SMAD4: variants seen among roughly 807,000 people sequenced by gnomAD.
SMAD4 encodes the protein SMAD family member 4.
In SMAD4, 7 loss-of-function variants were observed where a neutral mutation model predicts 63.2. The observed-to-expected ratio is 0.11, with a 90% confidence interval of 0.06 to 0.21. The LOEUF (loss-of-function observed/expected upper bound fraction) is 0.21, where lower values mean the gene tolerates loss of function less well. Among genes scored for constraint, SMAD4 ranks in the 10% least tolerant of loss-of-function variants. SMAD4 has a pLI of 1.00. For synonymous variants in SMAD4, 215 were observed against 235.4 expected, an observed-to-expected ratio of 0.91 and a Z score of 0.79; for missense variants, 312 against 693.8, an observed-to-expected ratio of 0.45 and a Z score of 6.18.
chr18:51,054,970 C>G lies in SMAD4; in HGVS notation c.644C>G (p.Pro215Arg), dbSNP rs777495692. 2.5e-6 allele frequency: 4 copies of G among 1,614,040 alleles called. No homozygotes were observed. Among genetic ancestry groups the G allele is most frequent in the Non-Finnish European group, 3.4e-6 (4 of 1,179,884 alleles). ...AATGCTACCAGCACTGCCAACTTTC[C>G]CAACATTCCTGTGGCTTCCACAAGT... ...ESNATSTANFPNIPVASTSQP... is the reference protein window; with the variant it reads ...ESNATSTANFRNIPVASTSQP... The change falls in exon 5 of 12, where the codon CCC becomes CGC. Residue 215 changes from proline (P) to arginine (R), a missense_variant. This residue lies in a region of SMAD4 where 169 missense variants were observed against 211.0 expected (regional missense o/e 0.80). Coordinates refer to ENST00000342988, the MANE Select transcript of SMAD4 (RefSeq NM_005359.6).
rs1910633360 is a variant in SMAD4 at position 51,082,476 on chromosome 18, T to TC, written c.*4009_*4010insC. On this transcript the variant is annotated 3_prime_UTR_variant, in exon 12 of 12. Transcript: ENST00000342988. ...AGTTGTCCCAGTGCTGCTAGGTTGCTTATCTTGTTTATCTGGAATCACTGT... is the reference window on the plus strand; with the variant it reads ...AGTTGTCCCAGTGCTGCTAGGTTGCTCTATCTTGTTTATCTGGAATCACTGT... The TC allele has an allele frequency of 4.4e-6, 1 of 229,294 alleles. No homozygotes were observed. The highest frequency in any genetic ancestry group is 8.6e-6 in the Non-Finnish European group (1 of 115,644). The allele number at this position is 229,294 out of a possible 1,614,324, so 14.2% of individuals were successfully genotyped here. A position where few individuals can be genotyped will look rare whatever the true frequency, so the allele number is the denominator to read the frequency against.
At chr18:51,062,487 A>C (rs1179374945) in intron 8 of SMAD4, among the ~76,000 whole-genome samples, 3 of 150,790 alleles carry the variant, frequency 2.0e-5, no homozygotes, top group Admixed American at 2.0e-4. Context: ...TTGCTCTTTT[A>C]TTTATTTTTT....
At chr18:51,035,828 A>G (rs1909187765) in intron 1 of SMAD4, among the ~76,000 whole-genome samples, 1 of 152,164 alleles carries the variant, frequency 6.6e-6, no homozygotes, top group Non-Finnish European at 1.5e-5. Context: ...TGGAAGAGCT[A>G]TTTAAAAAAA....
At chr18:51,047,418 C>T in intron 2 of SMAD4, 123 bp downstream of exon 2, 1 of 858,220 alleles carries the variant, frequency 1.2e-6, no homozygotes, top group Non-Finnish European at 2.0e-6. Flanking sequence ...TACTGTGCAT[C>T]CTGTACAAAT....
At chr18:51,057,426 A>G (rs1909875252) in intron 5 of SMAD4, among the ~76,000 whole-genome samples, 2 of 152,236 alleles carry the variant, frequency 1.3e-5, no homozygotes, top group Non-Finnish European at 2.9e-5. Context: ...TATTACATAC[A>G]GAGAGGGCAA....
At chr18:51,064,082 C>G (rs914642067) in intron 8 of SMAD4, among the ~76,000 whole-genome samples, 2 of 149,974 alleles carry the variant, frequency 1.3e-5, no homozygotes, top group African/African-American at 4.9e-5. Flanking sequence ...ATCTGGGTTT[C>G]TTTTTTGTCA....
chr18:51,078,083 G>A (rs942389975), intron 11 of SMAD4, among the ~76,000 whole-genome samples, 173 bp from the exon 12 acceptor site: 1 of 152,202 alleles, frequency 6.6e-6, no homozygotes. Flanking sequence ...CCAAAAGTGT[G>A]CAGCTTGTTG....
intron 4 of SMAD4, chr18:51,052,633 A>G: frequency 3.6e-6 from 1 of 275,050 alleles, no homozygotes; most frequent in Non-Finnish European, 7.3e-6. Context: ...TTTTTTGAAT[A>G]GGCAATACAT....
In SMAD4 at chr18:51,062,565, A is replaced by G. The variant is rs116156041; in HGVS notation, c.955+2649A>G. Among the ~76,000 whole-genome samples, 1,464 of 152,062 alleles carry G rather than the reference A, an allele frequency of 9.6e-3. 22 individuals carry two copies. The highest frequency in any genetic ancestry group is 0.032 in the African/African-American group (1,345 of 41,502). ...ACCCAGGCTAGAGTGCAGTCATGCA[A>G]TTCGGCTCACTGCAACCTCCACCTC... On this transcript the variant is annotated intron_variant, in intron 8 of 11. Transcript: ENST00000342988.
chr18:51,040,548 A>T (rs1909345472), intron 1 of SMAD4, among the ~76,000 whole-genome samples: 1 of 152,312 alleles, frequency 6.6e-6, no homozygotes, highest in Non-Finnish European at 1.5e-5. Context: ...CAGTTAATTC[A>T]AAAGTAAACT....
At position 51,054,891 on chromosome 18, in the gene SMAD4, C is replaced by T. The variant is rs140743238; in HGVS notation, c.565C>T (p.Arg189Cys). Residue 189 changes from arginine to cysteine, a missense_variant, in exon 5 of 12, where the codon CGT becomes TGT. Physicochemically the swap from Arg to Cys is radical, Grantham distance 180. Coordinates refer to ENST00000342988, the MANE Select transcript of SMAD4 (RefSeq NM_005359.6). ...IQTIQHPPSNRASTETYSTPA... is the reference protein window; with the variant it reads ...IQTIQHPPSNCASTETYSTPA... ...AACCATCCAGCATCCACCAAGTAAT[C>T]GTGCATCGACAGAGACATACAGCAC... The T allele has an allele frequency of 2.6e-4, 415 of 1,614,040 alleles. No individual in the cohort carries two copies. The African/African-American group carries it at 3.6e-3, about 14-fold the overall frequency.
chr18:51,078,751 A>G lies in SMAD4; in HGVS notation c.*284A>G. ...TGTATGAAGGAATCATTCCAGTGCT[A>G]GAAAATTTAGCCCTTTAAAACGTCT... On this transcript the variant is annotated 3_prime_UTR_variant, in exon 12 of 12. Transcript: ENST00000342988. The G allele has an allele frequency of 2.4e-6, 1 of 409,392 alleles. No individual in the cohort carries two copies. The highest frequency in any genetic ancestry group is 4.6e-5 in the South Asian group (1 of 21,604). 25.4% of individuals were successfully genotyped at this position (409,392 alleles called of 1,614,324 possible).
At chr18:51,043,644 A>C (rs1159936453) in intron 1 of SMAD4, among the ~76,000 whole-genome samples, 2 of 152,188 alleles carry the variant, frequency 1.3e-5, no homozygotes, top group Non-Finnish European at 2.9e-5. Context: ...CTGTTTGTTT[A>C]AGAAAGCGAG....
In SMAD4 at chr18:51,073,455, T is replaced by TA. The variant is rs530574064; in HGVS notation, c.1309-3175dup. On this transcript the variant is annotated intron_variant, in intron 10 of 11. Transcript: ENST00000342988. ...CACACCATACTTGGTTAGTGATGAT[T>TA]AAAAAAAAGTAGTTGTGGAGACCTA... Among the ~76,000 whole-genome samples the TA allele has an allele frequency of 1.6e-3, 222 of 135,870 alleles. 1 individual carries two copies. The highest frequency in any genetic ancestry group is 6.0e-3 in the African/African-American group (218 of 36,268). The allele number at this position is 135,870 out of a possible 152,430, so 89.1% of individuals were successfully genotyped here. A position where few individuals can be genotyped will look rare whatever the true frequency, so the allele number is the denominator to read the frequency against.
Position 51,084,292 on chromosome 18 carries a change from C to G in SMAD4, c.*5825C>G, listed in dbSNP as rs1447309853. 1.7e-5 allele frequency: 4 copies of G among 228,602 alleles called. No individual in the cohort carries two copies. The highest frequency in any genetic ancestry group is 4.4e-5 in the African/African-American group (2 of 44,948). The allele number at this position is 228,602 out of a possible 1,614,324, so 14.2% of individuals were successfully genotyped here. A position where few individuals can be genotyped will look rare whatever the true frequency, so the allele number is the denominator to read the frequency against. On this transcript the variant is annotated 3_prime_UTR_variant, in exon 12 of 12. Coordinates refer to ENST00000342988, the MANE Select transcript of SMAD4 (RefSeq NM_005359.6). ...ATTATGCTCAAAACAAGGAAATTCC[C>G]TTGAACCGTGTCAATTAAACTGGTT...
rs1194389614 is a variant in SMAD4, at chr18:51,080,167, A to C, written c.*1700A>C. On this transcript the variant is annotated 3_prime_UTR_variant, in exon 12 of 12. Coordinates refer to ENST00000342988, the MANE Select transcript of SMAD4 (RefSeq NM_005359.6). ...GTCCTCCTTATATCACCTGGAATGA[A>C]CACAGCTTCTACTGCCTTGCTCAGA... is the stretch of plus-strand genomic sequence containing the variant. 5 of 232,496 alleles carry C rather than the reference A, an allele frequency of 2.2e-5. No individual in the cohort carries two copies. The highest frequency in any genetic ancestry group is 4.2e-5 in the Non-Finnish European group (5 of 117,716). The allele number at this position is 232,496 out of a possible 1,614,324, so 14.4% of individuals were successfully genotyped here.
At chr18:51,067,400 TTTTATTTA>T (rs543826723) in intron 10 of SMAD4, among the ~76,000 whole-genome samples, 3 of 151,866 alleles carry the variant, frequency 2.0e-5, no homozygotes, top group Non-Finnish European at 2.9e-5. Context: ...TTGTTTTTTA[TTTTATTTA>T]TTTATTTATT....
chr18:51,076,838 T>G, intron 11 of SMAD4, 62 bp downstream of exon 11: 1 of 1,304,816 alleles, frequency 7.7e-7, no homozygotes, highest in Non-Finnish European at 1.1e-6. Flanking sequence ...CTTGATTTAC[T>G]CAGTTGATTA....
chr18:51,062,480 C>A (rs1205029521), intron 8 of SMAD4, among the ~76,000 whole-genome samples: 1 of 151,244 alleles, frequency 6.6e-6, no homozygotes, highest in Non-Finnish European at 1.5e-5. Context: ...TTTTTTTTTG[C>A]TCTTTTATTT....
Sources: gnomAD v4.1 joint callset for allele counts (sites outside exome capture counted in the v4.1 genomes callset) on GRCh38, gnomAD v4.1.1 for gene constraint, gnomAD v4.1.1 regional missense constraint, MANE v1.5 for transcripts, NCBI Gene and HGNC (gene_info 2026-07-23, HGNC 2026-07-21) for gene names.